JARID2: variants seen among roughly 807,000 people sequenced by gnomAD.
JARID2 encodes the protein jumonji and AT-rich interaction domain containing 2.
In JARID2, 21 loss-of-function variants were observed where a neutral mutation model predicts 125.6. The ratio of observed to expected loss-of-function variants is 0.17; its 90% CI spans 0.12 to 0.24. The LOEUF (loss-of-function observed/expected upper bound fraction) is 0.24. JARID2 is among the 10% of genes least tolerant of loss of function. JARID2 has a pLI of 1.00. For missense variants in JARID2, 1,303 were observed against 1,639.6 expected, an observed-to-expected ratio of 0.79 and a Z score of 3.55; for synonymous variants, 736 against 661.6, an observed-to-expected ratio of 1.11 and a Z score of -1.73.
At chr6:15,427,756 C>G (rs1249863174) in intron 3 of JARID2, among the ~76,000 whole-genome samples, 1 of 152,054 alleles carries the variant, frequency 6.6e-6, no homozygotes, top group Non-Finnish European at 1.5e-5. Flanking sequence ...TTCCTGGCAT[C>G]TTACGTGAAA....
At chr6:15,365,651 A>G (rs898671244) in intron 1 of JARID2, among the ~76,000 whole-genome samples, 7 of 152,132 alleles carry the variant, frequency 4.6e-5, no homozygotes, top group African/African-American at 1.7e-4. Context: ...CAGTAATCAA[A>G]GATAAGTACA....
At chr6:15,389,523 C>T (rs1300126107) in intron 2 of JARID2, among the ~76,000 whole-genome samples, 1 of 152,192 alleles carries the variant, frequency 6.6e-6, no homozygotes, top group Non-Finnish European at 1.5e-5. Flanking sequence ...GATCTGTTCC[C>T]TAGGGGCTCC....
chr6:15,470,968 A>C (rs993222157), intron 5 of JARID2, among the ~76,000 whole-genome samples: 2 of 152,244 alleles, frequency 1.3e-5, no homozygotes, highest in Non-Finnish European at 1.5e-5. Context: ...TGTGGGAGTA[A>C]GAGGAAATGC....
At chr6:15,442,073 T>TA (rs1767470725) in intron 3 of JARID2, among the ~76,000 whole-genome samples, 1 of 151,852 alleles carries the variant, frequency 6.6e-6, no homozygotes. Flanking sequence ...TATAGCATTG[T>TA]AGAATACAAT....
intron 1 of JARID2, among the ~76,000 whole-genome samples, chr6:15,327,842 G>T (rs7765425): frequency 6.6e-6 from 1 of 152,078 alleles, no homozygotes; most frequent in African/African-American, 2.4e-5. Context: ...GTCCTTCAAG[G>T]CTCAATGTTA....
At chr6:15,254,859 G>A (rs1330773422) in intron 1 of JARID2, among the ~76,000 whole-genome samples, 2 of 151,994 alleles carry the variant, frequency 1.3e-5, no homozygotes, top group African/African-American at 4.8e-5. Flanking sequence ...GGCCAACATG[G>A]TGAAACTCCG....
At chr6:15,347,580 A>G (rs1368840924) in intron 1 of JARID2, among the ~76,000 whole-genome samples, 1 of 152,220 alleles carries the variant, frequency 6.6e-6, no homozygotes, top group Non-Finnish European at 1.5e-5. Context: ...TTGTGTAAGA[A>G]AATGAGATGA....
At chr6:15,396,615 T>C (rs991368496) in intron 2 of JARID2, among the ~76,000 whole-genome samples, 2 of 152,226 alleles carry the variant, frequency 1.3e-5, no homozygotes, top group African/African-American at 2.4e-5. Context: ...ACATAAATAC[T>C]GTACAGTGCA....
chr6:15,368,831 G>A (rs1037442207), intron 1 of JARID2: 3 of 438,156 alleles, frequency 6.8e-6, no homozygotes, highest in African/African-American at 4.0e-5. Context: ...TCTTTCTGAT[G>A]TATATAGGCA....
At chr6:15,437,593 T>A (rs1445889639) in intron 3 of JARID2, among the ~76,000 whole-genome samples, 2 of 152,128 alleles carry the variant, frequency 1.3e-5, no homozygotes, top group Non-Finnish European at 2.9e-5. Context: ...TAAGTTCAGT[T>A]TTGGGGAGCC....
chr6:15,311,348 C>A (rs1416344702), intron 1 of JARID2, among the ~76,000 whole-genome samples: 1 of 152,160 alleles, frequency 6.6e-6, no homozygotes, highest in African/African-American at 2.4e-5. Flanking sequence ...GAGGCCAAGG[C>A]GGGCTGATTA....
At chr6:15,514,596 A>AG (rs1195036617) in intron 16 of JARID2, among the ~76,000 whole-genome samples, 2 of 152,170 alleles carry the variant, frequency 1.3e-5, no homozygotes, top group Non-Finnish European at 1.5e-5. Flanking sequence ...CCTGTAGAAG[A>AG]GGGAGGACAC....
intron 12 of JARID2, among the ~76,000 whole-genome samples, chr6:15,509,858 A>G (rs1771190549): frequency 6.6e-6 from 1 of 152,222 alleles, no homozygotes. Context: ...CCTCATTGAC[A>G]GGAGAGAAAG....
chr6:15,373,311 GTCTT>G (rs1382513667), intron 1 of JARID2, among the ~76,000 whole-genome samples: 3 of 152,184 alleles, frequency 2.0e-5, no homozygotes, highest in East Asian at 1.9e-4. Flanking sequence ...TAAAATTTGA[GTCTT>G]TCTTTATATC....
intron 4 of JARID2, among the ~76,000 whole-genome samples, chr6:15,453,351 A>G (rs1047995301): frequency 1.3e-5 from 2 of 152,188 alleles, no homozygotes; most frequent in African/African-American, 4.8e-5. Context: ...ATTTTTTAGA[A>G]TGTCCCTTAA....
intron 11 of JARID2, among the ~76,000 whole-genome samples, chr6:15,507,665 C>A (rs779831808): frequency 6.6e-6 from 1 of 152,214 alleles, no homozygotes; most frequent in Non-Finnish European, 1.5e-5. Flanking sequence ...TAGGGGCCAA[C>A]TTTGAACCTT....
At chr6:15,356,184 A>G (rs974575257) in intron 1 of JARID2, among the ~76,000 whole-genome samples, 4 of 152,128 alleles carry the variant, frequency 2.6e-5, no homozygotes, top group Non-Finnish European at 5.9e-5. Context: ...AGTATATGCC[A>G]TATTTCGTTC....
At chr6:15,382,723 C>T (rs907955626) in intron 2 of JARID2, among the ~76,000 whole-genome samples, 9 of 152,204 alleles carry the variant, frequency 5.9e-5, no homozygotes, top group African/African-American at 1.9e-4. Context: ...GACAGTGAGG[C>T]GCCACGCTTC....
At chr6:15,309,860 G>A (rs1761956458) in intron 1 of JARID2, among the ~76,000 whole-genome samples, 1 of 152,122 alleles carries the variant, frequency 6.6e-6, no homozygotes, top group South Asian at 2.1e-4. Context: ...GAGGTGAGAA[G>A]TGGCTTGGAA....
Sources: allele counts gnomAD v4.1 joint callset (sites outside exome capture counted in the v4.1 genomes callset), GRCh38; gene constraint gnomAD v4.1.1; transcripts MANE v1.5; gene names NCBI Gene and HGNC (gene_info 2026-07-23, HGNC 2026-07-21).